The following CCDC91 variants were observed in gnomAD, a reference collection of about 807,000 sequenced individuals.
The protein encoded by CCDC91 is coiled-coil domain containing 91.
CCDC91 carries 48 observed loss-of-function variants against 63.2 expected under a neutral mutation model. That is an observed-to-expected ratio of 0.76 (90% confidence interval 0.60 to 0.97). The LOEUF is 0.97. CCDC91 is among the 50% of genes least tolerant of loss of function. The pLI, the probability that CCDC91 is intolerant of heterozygous loss-of-function variation, is 0.00. For synonymous variants in CCDC91, 167 were observed against 165.8 expected (o/e 1.01, Z -0.06); for missense variants, 500 against 494.6 (o/e 1.01, Z -0.10).
chr12:28,494,534 C>T (rs1032001440), intron 12 of CCDC91, among the ~76,000 whole-genome samples: 1 of 151,664 alleles, frequency 6.6e-6, no homozygotes, highest in African/African-American at 2.4e-5. Context: ...ATATCTTACA[C>T]CTTACTGGAT....
At chr12:28,346,637 C>G (rs1328475643) in intron 6 of CCDC91, among the ~76,000 whole-genome samples, 1 of 152,018 alleles carries the variant, frequency 6.6e-6, no homozygotes, top group Non-Finnish European at 1.5e-5. Flanking sequence ...AATAAAATAG[C>G]TAGATGGAGA....
intron 3 of CCDC91, among the ~76,000 whole-genome samples, chr12:28,282,750 A>G (rs1036559953): frequency 1.3e-5 from 2 of 152,154 alleles, no homozygotes. Context: ...CTGCATTTGC[A>G]TTTGGGATCT....
intron 6 of CCDC91, among the ~76,000 whole-genome samples, chr12:28,351,934 C>A (rs1943209049): frequency 6.6e-6 from 1 of 152,118 alleles, no homozygotes; most frequent in Admixed American, 6.5e-5. Flanking sequence ...ACAAGTTCTC[C>A]ACAGATCTTT....
chr12:28,361,853 C>T (rs1437370013), intron 6 of CCDC91, among the ~76,000 whole-genome samples: 6 of 112,646 alleles, frequency 5.3e-5, no homozygotes, highest in African/African-American at 2.2e-4. Flanking sequence ...TTTCTTTTGT[C>T]TTATCTGTTT....
In CCDC91 at chr12:28,452,495, G is replaced by A. The variant is rs1419613551; in HGVS notation, c.942G>A (p.Val314=). 2 of 1,568,644 alleles carry A rather than the reference G, an allele frequency of 1.3e-6. No individual in the cohort carries two copies. Among genetic ancestry groups the A allele is most frequent in the East Asian group, 2.3e-5 (1 of 44,102 alleles). ...TTTTGAAGCTTGAAAAAGAAGCAGT[G>A]AAGGATGCAGTTTTAAAAGTCGTAG... is the stretch of plus-strand genomic sequence containing the variant. ...VSAAKLEKEA[V]KDAVLKVVEE... is the part of the protein sequence containing the mutation. The change falls in exon 11 of 13, where the codon GTG becomes GTA. Residue 314 remains valine (V), a synonymous_variant. Coordinates refer to ENST00000536442, the MANE Select transcript of CCDC91 (RefSeq NM_018318.5).
At chr12:28,519,122 G>A (rs1592931628) in intron 12 of CCDC91, among the ~76,000 whole-genome samples, 1 of 151,894 alleles carries the variant, frequency 6.6e-6, no homozygotes, top group South Asian at 2.1e-4. Context: ...CATTGAATTT[G>A]TAGATTGCTT....
chr12:28,391,022 C>T (rs1429729027), intron 7 of CCDC91, among the ~76,000 whole-genome samples: 2 of 149,062 alleles, frequency 1.3e-5, no homozygotes, highest in African/African-American at 2.5e-5. Context: ...AACAGAACTA[C>T]TCACCCTCTC....
intron 12 of CCDC91, among the ~76,000 whole-genome samples, chr12:28,494,318 C>T (rs547278116): frequency 6.6e-6 from 1 of 151,792 alleles, no homozygotes; most frequent in African/African-American, 2.4e-5. Context: ...TTTCAGGTCA[C>T]TTCGTAAATA....
At chr12:28,469,669 A>G (rs1017511778) in intron 11 of CCDC91, among the ~76,000 whole-genome samples, 2 of 152,116 alleles carry the variant, frequency 1.3e-5, no homozygotes, top group Non-Finnish European at 2.9e-5. Context: ...GAGAAATCAC[A>G]TTACCTGATT....
intron 6 of CCDC91, among the ~76,000 whole-genome samples, chr12:28,333,928 T>C (rs771812556): frequency 3.9e-5 from 6 of 152,210 alleles, no homozygotes; most frequent in Non-Finnish European, 8.8e-5. Context: ...CACTGAGTTA[T>C]TACCTTTTAA....
chr12:28,297,842 A>C (rs1949649624), intron 3 of CCDC91, among the ~76,000 whole-genome samples: 1 of 151,868 alleles, frequency 6.6e-6, no homozygotes, highest in Non-Finnish European at 1.5e-5. Context: ...TAGAATTTGT[A>C]ATTTTAAAAT....
chr12:28,403,157 T>C (rs1946741269), intron 8 of CCDC91, among the ~76,000 whole-genome samples: 1 of 152,200 alleles, frequency 6.6e-6, no homozygotes, highest in Non-Finnish European at 1.5e-5. Context: ...GCTGGCTTTA[T>C]GGAATGAATC....
intron 1 of CCDC91, among the ~76,000 whole-genome samples, chr12:28,233,133 G>A (rs578035439): frequency 5.3e-5 from 8 of 151,590 alleles, no homozygotes; most frequent in Admixed American, 2.6e-4. Flanking sequence ...AGGGTGTATC[G>A]TGTGCTGAGT....
intron 8 of CCDC91, among the ~76,000 whole-genome samples, chr12:28,397,498 TA>T (rs893085567): frequency 1.8e-3 from 270 of 146,220 alleles, no homozygotes; most frequent in Middle Eastern, 7.1e-3. Context: ...CTAGAAAGAT[TA>T]AAAAAAAAAA....
intron 8 of CCDC91, among the ~76,000 whole-genome samples, chr12:28,426,741 TATTA>T (rs1206235736): frequency 2.0e-5 from 3 of 152,182 alleles, no homozygotes; most frequent in Non-Finnish European, 4.4e-5. Context: ...TTCCTAATTA[TATTA>T]ATTGTTATTT....
chr12:28,387,573 C>G lies in CCDC91; in HGVS notation c.655-3731C>G, dbSNP rs138212500. ...CTTTCCCCCAAGTCCCCAAAATCCACTGTGTCATTCTTATGCCTTTGCAGC... is the reference window on the plus strand; with the variant it reads ...CTTTCCCCCAAGTCCCCAAAATCCAGTGTGTCATTCTTATGCCTTTGCAGC... On this transcript the variant is annotated intron_variant, in intron 7 of 12. Transcript: ENST00000536442. Among the ~76,000 whole-genome samples, 1,238 of 152,224 alleles carry G rather than the reference C, an allele frequency of 8.1e-3. 45 individuals are homozygous for G. Among genetic ancestry groups the G allele is most frequent in the Admixed American group, 0.061 (929 of 15,268 alleles).
rs1234132093 is a variant in CCDC91, at chr12:28,206,862, C to T, written c.-15+16221C>T. 3.3e-5 allele frequency among the ~76,000 whole-genome samples: 5 copies of T among 152,234 alleles called. 1 individual carries two copies. The highest frequency in any genetic ancestry group is 6.5e-5 in the Admixed American group (1 of 15,284). On this transcript the variant is annotated intron_variant, in intron 1 of 12. Transcript: ENST00000536442. ...AATCATTGCCTCTTTTATTCCAAAC[C>T]GTGGAAAAAGGACCTAACAAATGAT...
intron 7 of CCDC91, among the ~76,000 whole-genome samples, chr12:28,379,982 A>G (rs1462858993): frequency 6.6e-6 from 1 of 152,180 alleles, no homozygotes; most frequent in African/African-American, 2.4e-5. Flanking sequence ...ACACAATGGA[A>G]TACTATGCAG....
chr12:28,485,967 ATTGT>A, intron 12 of CCDC91, among the ~76,000 whole-genome samples: 1 of 152,262 alleles, frequency 6.6e-6, no homozygotes, highest in South Asian at 2.1e-4. Flanking sequence ...TCTTTTTAAA[ATTGT>A]TTATTTTATG....
Sources: allele counts gnomAD v4.1 joint callset (sites outside exome capture counted in the v4.1 genomes callset), GRCh38; gene constraint gnomAD v4.1.1; transcripts MANE v1.5; gene names NCBI Gene and HGNC (gene_info 2026-07-23, HGNC 2026-07-21).